MANBA: variants seen among roughly 807,000 people sequenced by gnomAD.
The protein encoded by MANBA is mannosidase beta, also known as beta-mannosidase.
A neutral mutation model predicts 111.1 loss-of-function variants in MANBA; 83 were observed. The observed-to-expected ratio is 0.75, with a 90% confidence interval of 0.63 to 0.90. The LOEUF is 0.90. Among genes scored for constraint, MANBA ranks in the 40% least tolerant of loss-of-function variants. The pLI, the probability that MANBA is intolerant of heterozygous loss-of-function variation, is 0.00. For synonymous variants in MANBA, 370 were observed against 378.7 expected, an observed-to-expected ratio of 0.98 and a Z score of 0.27; for missense variants, 1,036 against 1,069.0, an observed-to-expected ratio of 0.97 and a Z score of 0.43.
intron 1 of MANBA, among the ~76,000 whole-genome samples, chr4:102,737,178 C>T (rs531816256): frequency 6.6e-6 from 1 of 152,254 alleles, no homozygotes; most frequent in South Asian, 2.1e-4. Context: ...CCCGGCTGAA[C>T]TTTGTAATAT....
chr4:102,725,056 G>A (rs1205077969), intron 2 of MANBA, among the ~76,000 whole-genome samples: 1 of 152,060 alleles, frequency 6.6e-6, no homozygotes, highest in Non-Finnish European at 1.5e-5. Context: ...GTAAATTAGT[G>A]GTTCCTAGGG....
At chr4:102,697,956 T>A (rs1424288201) in intron 5 of MANBA, among the ~76,000 whole-genome samples, 1 of 151,782 alleles carries the variant, frequency 6.6e-6, no homozygotes, top group African/African-American at 2.4e-5. Flanking sequence ...ATGGTTGAAC[T>A]AGTTTACAGT....
rs1413690785 is a variant in MANBA, at chr4:102,674,044, T to C, written c.987A>G (p.Ile329Met). Reference protein sequence around the residue: ...AKVYFRTVELIEEPIKGSPGL... With the variant: ...AKVYFRTVELMEEPIKGSPGL... ...CAGGAGACCCTTTTATAGGCTCTTC[T>C]ATAAGTTCCACTGTCCTAAAATAAA... The change falls in exon 8 of 17, where the codon ATA (isoleucine) becomes ATG (methionine). Residue 329 changes from isoleucine (I) to methionine (M), a missense_variant. Ile to Met is a conservative substitution (Grantham distance 10). Transcript: ENST00000647097. 15 of 1,601,778 alleles carry C rather than the reference T, an allele frequency of 9.4e-6. No homozygotes were observed. The highest frequency in any genetic ancestry group is 3.3e-5 in the Admixed American group (2 of 60,012).
In MANBA at chr4:102,690,664, G is replaced by GT; in HGVS notation, c.780dup (p.Gln261ThrfsTer7). On this transcript the variant is annotated frameshift_variant, in exon 6 of 17. Coordinates refer to ENST00000647097, the MANE Select transcript of MANBA (RefSeq NM_005908.4). LOFTEE classifies it high-confidence loss of function. ...TGAAGTTCAATGCTGTATGTCTGTT[G>GT]TGTTTGCAACTTAGGGATGGCTACG... is the stretch of plus-strand genomic sequence containing the variant. 6.2e-7 allele frequency: 1 copy of GT among 1,612,188 alleles called. No homozygotes were observed. Among genetic ancestry groups the GT allele is most frequent in the Non-Finnish European group, 8.5e-7 (1 of 1,178,690 alleles).
intron 1 of MANBA, chr4:102,752,055 C>A: frequency 1.3e-6 from 1 of 755,686 alleles, no homozygotes; most frequent in South Asian, 1.4e-5. Flanking sequence ...GGTCTACAGT[C>A]CCTACAGAAG....
chr4:102,687,689 T>C (rs1732281729), intron 7 of MANBA, among the ~76,000 whole-genome samples: 1 of 152,182 alleles, frequency 6.6e-6, no homozygotes, highest in African/African-American at 2.4e-5. Context: ...CATGGCACTC[T>C]CTACATCTCT....
In MANBA at chr4:102,657,222, T is replaced by TGGG. The variant is rs1553944231; in HGVS notation, c.1704+457_1704+459dup. Among the ~76,000 whole-genome samples, 87 of 52,190 alleles carry TGGG rather than the reference T, an allele frequency of 1.7e-3. 1 individual carries two copies. Among genetic ancestry groups the TGGG allele is most frequent in the African/African-American group, 5.8e-3 (77 of 13,374 alleles). 34.2% of individuals were successfully genotyped at this position (52,190 alleles called of 152,430 possible). ...AAAAGAGGGAGAGAGAGGAGTGGGG[T>TGGG]GGGGGGGGGGTGGGCGGTGGTAATG... is the stretch of plus-strand genomic sequence containing the variant. On this transcript the variant is annotated intron_variant, in intron 12 of 16. Transcript: ENST00000647097.
chr4:102,751,965 TG>T, intron 1 of MANBA: 1 of 705,866 alleles, frequency 1.4e-6, no homozygotes, highest in Admixed American at 1.8e-5. Flanking sequence ...GAGGTCATGC[TG>T]GAAGTGCAGA....
At chr4:102,668,805 G>A (rs1731345437) in intron 10 of MANBA, 158 bp downstream of exon 10, 1 of 653,998 alleles carries the variant, frequency 1.5e-6, no homozygotes, top group Non-Finnish European at 2.8e-6. Context: ...GTAAAGCCAT[G>A]ACACTGGGTA....
Position 102,635,994 on chromosome 4 carries a change from C to G in MANBA, c.2028G>C (p.Lys676Asn). 1.2e-6 allele frequency: 2 copies of G among 1,613,784 alleles called. No individual in the cohort carries two copies. Among genetic ancestry groups the G allele is most frequent in the Non-Finnish European group, 1.7e-6 (2 of 1,179,684 alleles). The change falls in exon 15 of 17, where the codon AAG (lysine) becomes AAC (asparagine). Residue 676 changes from lysine to asparagine, a missense_variant. Transcript: ENST00000647097. ...GAGCAAAGTAATGAAGCATTTTCCA[C>G]TTTCCTCCGTACTCTGAAAATAATC... is the stretch of plus-strand genomic sequence containing the variant. ...PSWASLEYGGKWKMLHYFAQN... is the reference protein window; with the variant it reads ...PSWASLEYGGNWKMLHYFAQN...
intron 14 of MANBA, among the ~76,000 whole-genome samples, chr4:102,637,353 CA>C (rs917471852): frequency 2.6e-4 from 40 of 152,286 alleles, no homozygotes; most frequent in African/African-American, 9.4e-4. Context: ...CAGCCCAAGG[CA>C]GGTCTCTAAT....
Position 102,664,738 on chromosome 4 carries a change from T to C in MANBA, c.1432A>G (p.Ile478Val). 2 of 1,613,554 alleles carry C rather than the reference T, an allele frequency of 1.2e-6. No individual in the cohort carries two copies. Among genetic ancestry groups the C allele is most frequent in the South Asian group, 1.1e-5 (1 of 91,076 alleles). ...HISFTDRPIY[I>V]KDYVTLYVKN... Reference sequence around the variant, plus strand: ...ACATAGAGTGTCACATAGTCCTTGATGTAGATTGGCCGGTCAGTGAAACTG... The same window carrying C: ...ACATAGAGTGTCACATAGTCCTTGACGTAGATTGGCCGGTCAGTGAAACTG... The change falls in exon 11 of 17, where the codon ATC (isoleucine) becomes GTC (valine). Residue 478 changes from isoleucine to valine, a missense_variant. Physicochemically the swap from Ile to Val is conservative, Grantham distance 29 (BLOSUM62 3). Transcript: ENST00000647097.
chr4:102,755,577 T>A (rs1723979052), intron 1 of MANBA, among the ~76,000 whole-genome samples: 1 of 152,192 alleles, frequency 6.6e-6, no homozygotes, highest in Admixed American at 6.5e-5. Flanking sequence ...ACTTCATGAC[T>A]AAAACACCAA....
intron 1 of MANBA, chr4:102,751,890 G>T: frequency 3.4e-6 from 2 of 593,258 alleles, no homozygotes; most frequent in Admixed American, 2.0e-5. Context: ...TGCCTCTATG[G>T]ATCCAACTAT....
chr4:102,674,400 C>CA (rs1244873525), intron 7 of MANBA, among the ~76,000 whole-genome samples: 7 of 151,934 alleles, frequency 4.6e-5, no homozygotes, highest in Non-Finnish European at 8.8e-5. Flanking sequence ...CATGCTATTT[C>CA]AAAAAAATAG....
At position 102,760,949 on chromosome 4, in the gene MANBA, G is replaced by T; in HGVS notation, c.-55C>A. 2.0e-6 allele frequency: 3 copies of T among 1,500,188 alleles called. No individual in the cohort carries two copies. Among genetic ancestry groups the T allele is most frequent in the South Asian group, 1.2e-5 (1 of 83,278 alleles). The allele number at this position is 1,500,188 out of a possible 1,614,324, so 92.9% of individuals were successfully genotyped here. A position where few individuals can be genotyped will look rare whatever the true frequency, so the allele number is the denominator to read the frequency against. On this transcript the variant is annotated 5_prime_UTR_variant, in exon 1 of 17. Coordinates refer to ENST00000647097, the MANE Select transcript of MANBA (RefSeq NM_005908.4). ...GAGATCGAAAGGCAGCGCTGCAAGG[G>T]ACCGGCGGTGAAGCCACTCACCCCC... is the stretch of plus-strand genomic sequence containing the variant.
chr4:102,696,077 A>C (rs1010343430), intron 5 of MANBA, among the ~76,000 whole-genome samples: 2 of 152,012 alleles, frequency 1.3e-5, no homozygotes, highest in African/African-American at 4.8e-5. Context: ...ATAATTTTAA[A>C]ATTAGCTGGG....
intron 4 of MANBA, among the ~76,000 whole-genome samples, chr4:102,718,928 C>T (rs1722456768): frequency 6.6e-6 from 1 of 152,170 alleles, no homozygotes; most frequent in Admixed American, 6.6e-5. Flanking sequence ...ACAAAGATCA[C>T]ATGCTTCAAA....
intron 1 of MANBA, among the ~76,000 whole-genome samples, chr4:102,742,734 C>T (rs1243288817): frequency 1.3e-5 from 2 of 152,170 alleles, no homozygotes; most frequent in East Asian, 3.8e-4. Flanking sequence ...AGAAGCATTG[C>T]GTGCAGGATA....
Sources: allele counts gnomAD v4.1 joint callset (sites outside exome capture counted in the v4.1 genomes callset), GRCh38; gene constraint gnomAD v4.1.1; transcripts MANE v1.5; gene names NCBI Gene and HGNC (gene_info 2026-07-23, HGNC 2026-07-21).